The following PLEKHA3 variants were observed in gnomAD, a reference collection of about 807,000 sequenced individuals.
PLEKHA3 encodes the protein pleckstrin homology domain containing A3, also known as pleckstrin homology domain-containing family A member 3.
In PLEKHA3, 19 loss-of-function variants were observed where a neutral mutation model predicts 39.2. The ratio of observed to expected loss-of-function variants is 0.48; its 90% CI spans 0.34 to 0.71. The LOEUF (loss-of-function observed/expected upper bound fraction) is 0.71. Among genes scored for constraint, PLEKHA3 ranks in the 30% least tolerant of loss-of-function variants. The probability of loss-of-function intolerance (pLI) is 0.01; values close to 1 mark genes in which losing one functional copy is unlikely to be tolerated. For missense variants in PLEKHA3, 253 were observed against 359.5 expected (o/e 0.70, Z 2.40); for synonymous variants, 97 against 118.6 (o/e 0.82, Z 1.18).
intron 3 of PLEKHA3, among the ~76,000 whole-genome samples, chr2:178,493,302 A>T (rs1488312630): frequency 6.6e-6 from 1 of 152,200 alleles, no homozygotes; most frequent in African/African-American, 2.4e-5. Context: ...AAAATAAATG[A>T]ATGTTTATAA....
intron 1 of PLEKHA3, among the ~76,000 whole-genome samples, chr2:178,481,121 C>T (rs1222385210): frequency 6.6e-6 from 1 of 152,134 alleles, no homozygotes; most frequent in African/African-American, 2.4e-5. Flanking sequence ...CCTGCCACTT[C>T]TTTGCTAGTG....
intron 4 of PLEKHA3, among the ~76,000 whole-genome samples, chr2:178,495,123 TTAACTC>T (rs1685420787): frequency 6.6e-6 from 1 of 152,180 alleles, no homozygotes. Flanking sequence ...CTGCCACTAA[TTAACTC>T]TAAGGGTATT....
In PLEKHA3 at chr2:178,511,077, T is replaced by A. The variant is rs1281380791; in HGVS notation, c.*7190T>A. ...TCAGAGAGGTATGATAATGAGATTC[T>A]CTTCTAGAGGGGAAGTGGGAGTAGG... is the stretch of plus-strand genomic sequence containing the variant. On this transcript the variant is annotated 3_prime_UTR_variant, in exon 8 of 8. Coordinates refer to ENST00000234453, the MANE Select transcript of PLEKHA3 (RefSeq NM_019091.4). The A allele has an allele frequency of 2.0e-5, 3 of 152,248 alleles. No homozygotes were observed. Among genetic ancestry groups the A allele is most frequent in the Non-Finnish European group, 2.9e-5 (2 of 68,050 alleles). The allele number at this position is 152,248 out of a possible 1,614,324, so 9.4% of individuals were successfully genotyped here. A position where few individuals can be genotyped will look rare whatever the true frequency, so the allele number is the denominator to read the frequency against.
intron 1 of PLEKHA3, 24 bp from the exon 2 acceptor site, chr2:178,485,617 T>C: frequency 6.8e-7 from 1 of 1,477,164 alleles, no homozygotes; most frequent in Non-Finnish European, 9.4e-7. Context: ...CCAATTGACC[T>C]TTTGTTATTT....
intron 3 of PLEKHA3, among the ~76,000 whole-genome samples, chr2:178,492,269 G>A (rs1035876630): frequency 6.6e-6 from 1 of 151,928 alleles, no homozygotes; most frequent in African/African-American, 2.4e-5. Flanking sequence ...AAACATTACA[G>A]AATATAGCTA....
chr2:178,500,952 A>G (rs1053199802), intron 6 of PLEKHA3, 109 bp from the exon 7 acceptor site: 8 of 744,274 alleles, frequency 1.1e-5, no homozygotes, highest in Middle Eastern at 3.9e-4. Flanking sequence ...GACGTTGAGC[A>G]TAAAAATAAT....
At chr2:178,493,659 A>G (rs577987857) in intron 3 of PLEKHA3, among the ~76,000 whole-genome samples, 194 bp from the exon 4 acceptor site, 3 of 152,196 alleles carry the variant, frequency 2.0e-5, no homozygotes, top group East Asian at 1.9e-4. Flanking sequence ...TGGCAGGCAT[A>G]TAACTGTCAG....
At chr2:178,500,036 A>G (rs1406226444) in intron 6 of PLEKHA3, among the ~76,000 whole-genome samples, 1 of 152,176 alleles carries the variant, frequency 6.6e-6, no homozygotes, top group African/African-American at 2.4e-5. Context: ...TTTAAAGTAC[A>G]TATTCATATC....
intron 2 of PLEKHA3, among the ~76,000 whole-genome samples, chr2:178,487,732 C>T (rs1448979351): frequency 6.6e-6 from 1 of 152,216 alleles, no homozygotes; most frequent in Non-Finnish European, 1.5e-5. Context: ...GTGTTAGCCA[C>T]TGTGCCTGGC....
chr2:178,490,843 G>C, intron 3 of PLEKHA3, 29 bp downstream of exon 3: 1 of 1,544,190 alleles, frequency 6.5e-7, no homozygotes, highest in Admixed American at 2.0e-5. Context: ...CTTGTGGTGA[G>C]AGTACTTTCT....
rs1163576683 is a variant in PLEKHA3 at position 178,490,816 on chromosome 2, T to A, written c.313+2T>A. On this transcript the variant is annotated splice_donor_variant, in intron 3 of 7. Coordinates refer to ENST00000234453, the MANE Select transcript of PLEKHA3 (RefSeq NM_019091.4). LOFTEE classifies it high-confidence loss of function. ...ATACAAGGACTAAAAAAGAAAAAGGTAACTATAAACTTTTCCCTTGTGGTG... is the reference window on the plus strand; with the variant it reads ...ATACAAGGACTAAAAAAGAAAAAGGAAACTATAAACTTTTCCCTTGTGGTG... 6.2e-7 allele frequency: 1 copy of A among 1,603,346 alleles called. No homozygotes were observed. Among genetic ancestry groups the A allele is most frequent in the Non-Finnish European group, 8.5e-7 (1 of 1,175,990 alleles).
At chr2:178,496,097 C>T (rs1166855299) in intron 5 of PLEKHA3, among the ~76,000 whole-genome samples, 1 of 152,152 alleles carries the variant, frequency 6.6e-6, no homozygotes, top group Non-Finnish European at 1.5e-5. Flanking sequence ...ACGGTATTCT[C>T]TACTAAGCAT....
rs912271956 is a variant in PLEKHA3, at chr2:178,507,468, T to C, written c.*3581T>C. Reference sequence around the variant, plus strand: ...CCTGTCACAATGACTATCCAAAGGCTTAAATGCTGAAAAACATCAGATAAT... The same window carrying C: ...CCTGTCACAATGACTATCCAAAGGCCTAAATGCTGAAAAACATCAGATAAT... On this transcript the variant is annotated 3_prime_UTR_variant, in exon 8 of 8. Coordinates refer to ENST00000234453, the MANE Select transcript of PLEKHA3 (RefSeq NM_019091.4). The C allele has an allele frequency of 6.6e-6, 1 of 152,162 alleles. No homozygotes were observed. Among genetic ancestry groups the C allele is most frequent in the Admixed American group, 6.5e-5 (1 of 15,274 alleles). The allele number at this position is 152,162 out of a possible 1,614,324, so 9.4% of individuals were successfully genotyped here.
At chr2:178,486,769 G>A (rs1685257197) in intron 2 of PLEKHA3, among the ~76,000 whole-genome samples, 1 of 152,080 alleles carries the variant, frequency 6.6e-6, no homozygotes, top group Admixed American at 6.5e-5. Flanking sequence ...ATCCATTCTA[G>A]TACTGAAGGA....
intron 6 of PLEKHA3, among the ~76,000 whole-genome samples, chr2:178,499,619 T>A (rs1268684710): frequency 1.3e-5 from 2 of 152,168 alleles, no homozygotes; most frequent in Non-Finnish European, 2.9e-5. Flanking sequence ...ACTGTACTTT[T>A]TCCATGTTTA....
rs1332005526 is a variant in PLEKHA3, at chr2:178,512,677, T to C, written c.*8790T>C. ...TCCTTTTGGATGCGGTGAAGCATTT[T>C]ATGAGTGAACAATGGTGAGTCATGT... is the stretch of plus-strand genomic sequence containing the variant. On this transcript the variant is annotated 3_prime_UTR_variant, in exon 8 of 8. Coordinates refer to ENST00000234453, the MANE Select transcript of PLEKHA3 (RefSeq NM_019091.4). 1 of 153,816 alleles carries C rather than the reference T, an allele frequency of 6.5e-6. No individual in the cohort carries two copies. The highest frequency in any genetic ancestry group is 6.5e-5 in the Admixed American group (1 of 15,290). 9.5% of individuals were successfully genotyped at this position (153,816 alleles called of 1,614,324 possible).
chr2:178,495,363 C>A (rs1685425469), intron 4 of PLEKHA3, 133 bp from the exon 5 acceptor site: 2 of 824,372 alleles, frequency 2.4e-6, no homozygotes, highest in East Asian at 3.0e-5. Flanking sequence ...TTCTAAGGTA[C>A]TGTATTTTAA....
chr2:178,490,321 T>A (rs1284948030), intron 2 of PLEKHA3, among the ~76,000 whole-genome samples: 1 of 152,190 alleles, frequency 6.6e-6, no homozygotes, highest in African/African-American at 2.4e-5. Context: ...CAGTAAAAAA[T>A]ATGTGATAGT....
intron 2 of PLEKHA3, chr2:178,488,909 T>C (rs1018505521): frequency 2.3e-6 from 1 of 427,628 alleles, no homozygotes; most frequent in Non-Finnish European, 4.7e-6. Context: ...TGTTTAGAGG[T>C]CTTGTCCATC....
Sources: allele counts gnomAD v4.1 joint callset (sites outside exome capture counted in the v4.1 genomes callset), GRCh38; gene constraint gnomAD v4.1.1; transcripts MANE v1.5; gene names NCBI Gene and HGNC (gene_info 2026-07-23, HGNC 2026-07-21).